Variants in GPD1L observed in about 807,000 individuals in gnomAD.
The protein encoded by GPD1L is glycerol-3-phosphate dehydrogenase 1-like protein.
In GPD1L, 17 loss-of-function variants were observed where a neutral mutation model predicts 32.9. The ratio of observed to expected loss-of-function variants is 0.52; its 90% confidence interval spans 0.35 to 0.78. The LOEUF (loss-of-function observed/expected upper bound fraction) is 0.78. GPD1L is among the 30% of genes least tolerant of loss of function. The pLI is 0.01. For synonymous variants in GPD1L, 187 were observed against 165.9 expected, an observed-to-expected ratio of 1.13 and a Z score of -0.98; for missense variants, 361 against 447.8, an observed-to-expected ratio of 0.81 and a Z score of 1.75.
chr3:32,147,812 T>C (rs1241951598), intron 5 of GPD1L, among the ~76,000 whole-genome samples: 4 of 152,212 alleles, frequency 2.6e-5, no homozygotes, highest in Admixed American at 2.6e-4. Context: ...CTATGCTTTC[T>C]CATAAATTGT....
chr3:32,153,494 C>T (rs1342500384), intron 5 of GPD1L, among the ~76,000 whole-genome samples: 1 of 152,220 alleles, frequency 6.6e-6, no homozygotes, highest in Non-Finnish European at 1.5e-5. Context: ...AAGGCAGCTT[C>T]ATATTGGTGC....
chr3:32,162,906 G>A (rs1022175565), intron 7 of GPD1L, among the ~76,000 whole-genome samples: 40 of 151,710 alleles, frequency 2.6e-4, no homozygotes, highest in African/African-American at 3.6e-4. Flanking sequence ...TTACAGGCGT[G>A]TGCCCCTATA....
chr3:32,130,811 G>A (rs553780599), intron 2 of GPD1L, among the ~76,000 whole-genome samples: 2 of 152,116 alleles, frequency 1.3e-5, no homozygotes, highest in East Asian at 3.9e-4. Flanking sequence ...TCAGGAGCTC[G>A]AGACCACCCT....
chr3:32,128,025 T>G, intron 1 of GPD1L, 51 bp from the exon 2 acceptor site: 1 of 1,284,664 alleles, frequency 7.8e-7, no homozygotes, highest in Non-Finnish European at 1.1e-6. Flanking sequence ...ACGCTTTTTC[T>G]CTCCCGCCCA....
intron 5 of GPD1L, among the ~76,000 whole-genome samples, chr3:32,147,112 A>G (rs942737393): frequency 6.6e-6 from 1 of 152,218 alleles, no homozygotes; most frequent in Non-Finnish European, 1.5e-5. Flanking sequence ...GTTTCCTCTG[A>G]ATTATGCTAC....
Position 32,140,256 on chromosome 3 carries a change from A to G in GPD1L, c.395A>G (p.Lys132Arg). 6.2e-7 allele frequency: 1 copy of G among 1,614,070 alleles called. No individual in the cohort carries two copies. Among genetic ancestry groups the G allele is most frequent in the Non-Finnish European group, 8.5e-7 (1 of 1,179,982 alleles). ...ATAGACGAGGGCCCCGAGGGGCTGA[A>G]GCTCATTTCTGACATCATCCGTGAG... ...KGIDEGPEGL[K>R]LISDIIREKM... is the part of the protein sequence containing the mutation. The change falls in exon 4 of 8, where the codon AAG becomes AGG. Residue 132 changes from lysine (K) to arginine (R), a missense_variant. Lys to Arg is a conservative substitution (Grantham distance 26). Transcript: ENST00000282541.
chr3:32,138,453 C>A, intron 2 of GPD1L, 134 bp from the exon 3 acceptor site: 1 of 873,138 alleles, frequency 1.1e-6, no homozygotes, highest in Non-Finnish European at 1.9e-6. Flanking sequence ...AGCAAACACA[C>A]TTGCCTTCCT....
intron 4 of GPD1L, 95 bp from the exon 5 acceptor site, chr3:32,146,527 T>C (rs1700828750): frequency 1.3e-6 from 1 of 781,680 alleles, no homozygotes. Context: ...CATGTTACTT[T>C]TATAGTAAGT....
intron 5 of GPD1L, among the ~76,000 whole-genome samples, chr3:32,153,579 G>A (rs1266130751): frequency 6.6e-6 from 1 of 152,216 alleles, no homozygotes; most frequent in East Asian, 1.9e-4. Flanking sequence ...TTAGACAGGG[G>A]CCAGCAGCAA....
intron 4 of GPD1L, among the ~76,000 whole-genome samples, chr3:32,141,700 T>C (rs9861404): frequency 0.17 from 26,266 of 152,154 alleles, 2,877 homozygotes; most frequent in African/African-American, 0.3. Context: ...TCAAGCACCA[T>C]GAGAAGGTGG....
In GPD1L at chr3:32,166,340, G is replaced by C. The variant is rs1173481989; in HGVS notation, c.*430G>C. ...CCAGCATTAACATGGTAGAGTGGAG[G>C]AGTGAGTGTGTTCAAAGATCAACAT... On this transcript the variant is annotated 3_prime_UTR_variant, in exon 8 of 8. Coordinates refer to ENST00000282541, the MANE Select transcript of GPD1L (RefSeq NM_015141.4). 4.1e-6 allele frequency: 1 copy of C among 242,088 alleles called. No individual in the cohort carries two copies. The highest frequency in any genetic ancestry group is 2.3e-5 in the African/African-American group (1 of 43,188). 15.0% of individuals were successfully genotyped at this position (242,088 alleles called of 1,614,324 possible). A position where few individuals can be genotyped will look rare whatever the true frequency, so the allele number is the denominator to read the frequency against.
At position 32,108,952 on chromosome 3, in the gene GPD1L, C is replaced by A. The variant is rs941328177; in HGVS notation, c.47+2194C>A. On this transcript the variant is annotated intron_variant, in intron 1 of 7. Coordinates refer to ENST00000282541, the MANE Select transcript of GPD1L (RefSeq NM_015141.4). ...GCAAGCTCCGCTTCCTGGGTTCATG[C>A]CATTCTCCTGCCTCAGCCTCCTGAG... 2.6e-5 allele frequency among the ~76,000 whole-genome samples: 4 copies of A among 152,208 alleles called. No homozygotes were observed. In the South Asian group the frequency reaches 8.3e-4, roughly 32 times the overall value.
Position 32,156,617 on chromosome 3 carries a change from G to GT in GPD1L, c.619-2251dup, listed in dbSNP as rs1301581956. Among the ~76,000 whole-genome samples, 32 of 152,066 alleles carry GT rather than the reference G, an allele frequency of 2.1e-4. 1 individual carries two copies. In the South Asian group the frequency reaches 5.6e-3, roughly 27 times the overall value. ...GAAACTTCAGGAGGCCCAATTGGATGTTTTTTTTCATGTGAAGTATCTTTG... is the reference window on the plus strand; with the variant it reads ...GAAACTTCAGGAGGCCCAATTGGATGTTTTTTTTTCATGTGAAGTATCTTTG... On this transcript the variant is annotated intron_variant, in intron 5 of 7. Coordinates refer to ENST00000282541, the MANE Select transcript of GPD1L (RefSeq NM_015141.4).
At chr3:32,158,850 T>C in intron 5 of GPD1L, 26 bp from the exon 6 acceptor site, 1 of 1,611,068 alleles carries the variant, frequency 6.2e-7, no homozygotes, top group South Asian at 1.1e-5. Flanking sequence ...TGTAACGGCA[T>C]CTGGGCTTTG....
chr3:32,119,418 C>T (rs938263984), intron 1 of GPD1L, among the ~76,000 whole-genome samples: 2 of 152,086 alleles, frequency 1.3e-5, no homozygotes, highest in African/African-American at 4.8e-5. Context: ...AAGCATTTTC[C>T]CCTACAGTTT....
intron 2 of GPD1L, among the ~76,000 whole-genome samples, chr3:32,137,051 G>C (rs570313012): frequency 6.6e-6 from 1 of 152,210 alleles, no homozygotes; most frequent in Non-Finnish European, 1.5e-5. Context: ...AGAGAAAGGG[G>C]AGAAGGAATT....
intron 2 of GPD1L, among the ~76,000 whole-genome samples, chr3:32,131,331 A>G (rs963186432): frequency 6.6e-6 from 1 of 152,232 alleles, no homozygotes; most frequent in African/African-American, 2.4e-5. Flanking sequence ...CTGTGCAGCC[A>G]TCACTGCCAT....
chr3:32,139,889 G>A (rs1700714826), intron 3 of GPD1L, among the ~76,000 whole-genome samples: 3 of 152,104 alleles, frequency 2.0e-5, no homozygotes, highest in Non-Finnish European at 4.4e-5. Context: ...GGGACCATCC[G>A]ATGTGGTAAA....
chr3:32,109,816 T>C (rs1443590298), intron 1 of GPD1L, among the ~76,000 whole-genome samples: 1 of 152,250 alleles, frequency 6.6e-6, no homozygotes, highest in East Asian at 1.9e-4. Flanking sequence ...TACCTTCAGG[T>C]CTGAGATCAG....
Sources: allele counts gnomAD v4.1 joint callset (sites outside exome capture counted in the v4.1 genomes callset), GRCh38; gene constraint gnomAD v4.1.1; transcripts MANE v1.5; gene names NCBI Gene and HGNC (gene_info 2026-07-23, HGNC 2026-07-21).